Variants in ACACA observed in about 807,000 individuals in gnomAD.
ACACA encodes acetyl-CoA carboxylase alpha.
A neutral mutation model predicts 296.1 loss-of-function variants in ACACA; 103 were observed. The ratio of observed to expected loss-of-function variants is 0.35; its 90% CI spans 0.30 to 0.41. ACACA has a LOEUF of 0.41. Among genes scored for constraint, ACACA ranks in the 10% least tolerant of loss-of-function variants. The pLI is 1.00. For missense variants in ACACA, 1,554 were observed against 2,989.7 expected (o/e 0.52, Z 11.20); for synonymous variants, 953 against 1,038.6 (o/e 0.92, Z 1.58).
At chr17:37,130,000 A>C (rs112644488) in intron 46 of ACACA, 75 bp downstream of exon 46, 1 of 1,577,178 alleles carries the variant, frequency 6.3e-7, no homozygotes, top group Non-Finnish European at 8.7e-7. Context: ...CAAGACCTTA[A>C]ACACAGAGGC....
chr17:37,088,864 G>T, intron 55 of ACACA, 74 bp downstream of exon 55: 5 of 1,556,332 alleles, frequency 3.2e-6, no homozygotes, highest in Non-Finnish European at 4.4e-6. Context: ...ATCATCTCAT[G>T]ATTTGTTTGG....
chr17:37,126,512 A>C (rs1000868776), intron 47 of ACACA, among the ~76,000 whole-genome samples: 3 of 152,080 alleles, frequency 2.0e-5, no homozygotes, highest in Admixed American at 6.5e-5. Context: ...TAAAAAAAAA[A>C]CTTTTGTTCC....
At position 37,221,620 on chromosome 17, in the gene ACACA, A is replaced by T; in HGVS notation, c.3683+104T>A. 6.9e-6 allele frequency: 7 copies of T among 1,017,038 alleles called. No homozygotes were observed. In the East Asian group the frequency reaches 7.1e-5, roughly 10 times the overall value. The allele number at this position is 1,017,038 out of a possible 1,614,324, so 63.0% of individuals were successfully genotyped here. A position where few individuals can be genotyped will look rare whatever the true frequency, so the allele number is the denominator to read the frequency against. The stretch of plus-strand genomic sequence containing the variant: ...GTTCATATTGTTCATTTTTTGCCCT[A>T]CATTTCTAACTAAAAAAACATGGAA... On this transcript the variant is annotated intron_variant, in intron 29 of 55. Coordinates refer to ENST00000616317, the MANE Select transcript of ACACA (RefSeq NM_198834.3).
intron 45 of ACACA, among the ~76,000 whole-genome samples, chr17:37,147,949 C>A (rs770844693): frequency 6.6e-6 from 1 of 151,858 alleles, no homozygotes; most frequent in Admixed American, 6.6e-5. Flanking sequence ...CAAAACAAAA[C>A]CAAAAACCCA....
chr17:37,362,718 C>A (rs1467161799), intron 1 of ACACA, among the ~76,000 whole-genome samples: 1 of 152,150 alleles, frequency 6.6e-6, no homozygotes, highest in African/African-American at 2.4e-5. Flanking sequence ...CGCCTGTAAT[C>A]CCAGCACTTT....
At chr17:37,282,834 G>A (rs142766798) in intron 5 of ACACA, among the ~76,000 whole-genome samples, 2 of 151,982 alleles carry the variant, frequency 1.3e-5, no homozygotes, top group Admixed American at 6.6e-5. Flanking sequence ...AACACACTTC[G>A]GTCCCAAAAG....
chr17:37,383,381 C>T (rs1341445618), intron 1 of ACACA, among the ~76,000 whole-genome samples: 1 of 152,134 alleles, frequency 6.6e-6, no homozygotes, highest in Non-Finnish European at 1.5e-5. Context: ...GAAACTCTTC[C>T]TCTTTCCTTC....
chr17:37,168,575 C>T (rs903520809), intron 41 of ACACA, among the ~76,000 whole-genome samples: 1 of 151,594 alleles, frequency 6.6e-6, no homozygotes, highest in Non-Finnish European at 1.5e-5. Context: ...AATTGATTTC[C>T]CATATTTTAG....
intron 45 of ACACA, chr17:37,140,689 C>T: frequency 5.1e-6 from 1 of 197,074 alleles, no homozygotes; most frequent in East Asian, 1.2e-4. Flanking sequence ...CAGTGAATTC[C>T]TGACAGGAAG....
intron 23 of ACACA, among the ~76,000 whole-genome samples, chr17:37,241,093 G>A (rs1422023403): frequency 6.6e-6 from 1 of 152,072 alleles, no homozygotes; most frequent in Non-Finnish European, 1.5e-5. Flanking sequence ...TACTCAAGAG[G>A]CTGAGGTGGG....
Position 37,125,830 on chromosome 17 carries a change from A to C in ACACA, c.5945-36T>G. ...GAAAGAAAGAAAACAGAGAATAAGG[A>C]CAGTGAATCCATTGACAATGTGCTG... On this transcript the variant is annotated intron_variant, in intron 47 of 55. Transcript: ENST00000616317. 6 of 1,544,236 alleles carry C rather than the reference A, an allele frequency of 3.9e-6. No homozygotes were observed. In the South Asian group the frequency reaches 5.6e-5, roughly 15 times the overall value.
At chr17:37,390,187 T>TTATATATAAA (rs2050748171) in intron 1 of ACACA, among the ~76,000 whole-genome samples, 2 of 44,688 alleles carry the variant, frequency 4.5e-5, no homozygotes, top group Non-Finnish European at 7.5e-5. Flanking sequence ...CACACACACA[T>TTATATATAAA]TATATATAAA....
intron 1 of ACACA, among the ~76,000 whole-genome samples, chr17:37,370,666 T>C (rs2049770993): frequency 7.0e-6 from 1 of 143,264 alleles, no homozygotes; most frequent in African/African-American, 2.7e-5. Context: ...CCAAAAATAA[T>C]GTAAATAAAT....
chr17:37,388,337 A>G (rs564083587), intron 1 of ACACA, among the ~76,000 whole-genome samples: 1 of 152,306 alleles, frequency 6.6e-6, no homozygotes, highest in African/African-American at 2.4e-5. Flanking sequence ...AGCTGACAGT[A>G]AAAGAAGTTT....
At chr17:37,096,362 T>C (rs1048792345) in intron 54 of ACACA, among the ~76,000 whole-genome samples, 4 of 152,198 alleles carry the variant, frequency 2.6e-5, no homozygotes, top group South Asian at 2.1e-4. Flanking sequence ...CCTGAAACAG[T>C]TGCAGGATGT....
chr17:37,180,428 GT>G (rs2077275328), intron 40 of ACACA, among the ~76,000 whole-genome samples: 1 of 152,182 alleles, frequency 6.6e-6, no homozygotes, highest in Non-Finnish European at 1.5e-5. Context: ...AAATTCAAAT[GT>G]GGTAATACTG....
At chr17:37,314,391 G>A (rs1003700973) in intron 3 of ACACA, among the ~76,000 whole-genome samples, 6 of 152,126 alleles carry the variant, frequency 3.9e-5, no homozygotes, top group South Asian at 4.2e-4. Context: ...GAGCCACTGC[G>A]CCCGACCACT....
intron 1 of ACACA, chr17:37,392,618 A>G (rs1193919318): frequency 1.3e-5 from 2 of 152,134 alleles, no homozygotes; most frequent in Non-Finnish European, 2.9e-5. Context: ...CATTTTGGTG[A>G]AATGTGTCTG....
Position 37,324,315 on chromosome 17 carries a change from G to A in ACACA, c.338+5858C>T, listed in dbSNP as rs187423574. ...TGGGAGGCGGAAGTTGCAGTGAGCC[G>A]AGATTGCGCCACTGCACTCTGGCCT... On this transcript the variant is annotated intron_variant, in intron 3 of 55. Transcript: ENST00000616317. Among the ~76,000 whole-genome samples, 11 of 151,850 alleles carry A rather than the reference G, an allele frequency of 7.2e-5. No homozygotes were observed. In the East Asian group the frequency reaches 9.7e-4, roughly 13 times the overall value.
Sources: gnomAD v4.1 joint callset for allele counts (sites outside exome capture counted in the v4.1 genomes callset) on GRCh38, gnomAD v4.1.1 for gene constraint, MANE v1.5 for transcripts, NCBI Gene and HGNC (gene_info 2026-07-23, HGNC 2026-07-21) for gene names.